CEP126: variants seen among roughly 807,000 people sequenced by gnomAD.
CEP126 encodes centrosomal protein of 126 kDa.
A neutral mutation model predicts 107.8 loss-of-function variants in CEP126; 74 were observed. The observed-to-expected ratio is 0.69, with a 90% confidence interval of 0.57 to 0.83. CEP126 has a LOEUF of 0.83. Ranked by LOEUF, CEP126 falls within the 40% of genes least tolerant of loss-of-function variation. CEP126 has a pLI of 0.00. For missense variants in CEP126, 1,237 were observed against 1,281.9 expected (o/e 0.96, Z 0.53); for synonymous variants, 449 against 446.0 (o/e 1.01, Z -0.08).
chr11:101,933,703 T>C (rs1940533129), intron 2 of CEP126, among the ~76,000 whole-genome samples: 1 of 152,030 alleles, frequency 6.6e-6, no homozygotes. Context: ...TATCAGTCCC[T>C]AGCACCCTGA....
At chr11:101,988,350 A>T (rs1941337808) in intron 9 of CEP126, among the ~76,000 whole-genome samples, 1 of 152,192 alleles carries the variant, frequency 6.6e-6, no homozygotes, top group Non-Finnish European at 1.5e-5. Flanking sequence ...GAATCAAAGA[A>T]ATTTATCCAC....
At chr11:101,930,160 T>C (rs879426732) in intron 2 of CEP126, among the ~76,000 whole-genome samples, 2 of 147,716 alleles carry the variant, frequency 1.4e-5, no homozygotes, top group Admixed American at 1.4e-4. Context: ...TTCTTATGGG[T>C]GTGTGTTGGG....
chr11:101,972,357 C>T (rs1236692889), intron 6 of CEP126, among the ~76,000 whole-genome samples: 6 of 151,954 alleles, frequency 3.9e-5, no homozygotes, highest in Non-Finnish European at 8.8e-5. Flanking sequence ...TCCTGGGAGG[C>T]GGAGCTTGTA....
Position 101,962,661 on chromosome 11 carries a change from A to C in CEP126, c.1626A>C (p.Glu542Asp). The C allele has an allele frequency of 6.2e-7, 1 of 1,612,950 alleles. No homozygotes were observed. The highest frequency in any genetic ancestry group is 8.5e-7 in the Non-Finnish European group (1 of 1,179,632). ...DSKDEKQKLA[E>D]TSSLSNVTSN... is the part of the protein sequence containing the mutation. ...AAGATGAAAAACAAAAATTAGCTGA[A>C]ACATCATCCTTGTCTAATGTAACTT... Residue 542 changes from glutamate to aspartate, a missense_variant, in exon 6 of 11, where the codon GAA becomes GAC. Around this residue, in one of 3 missense-constraint regions of CEP126, gnomAD observed 1,134 missense variants for 1,150.5 expected, o/e 0.99. Transcript: ENST00000263468.
chr11:101,929,691 G>T (rs555925315), intron 2 of CEP126, among the ~76,000 whole-genome samples: 1 of 152,280 alleles, frequency 6.6e-6, no homozygotes, highest in Admixed American at 6.5e-5. Flanking sequence ...CTAATACCAG[G>T]ATGAGGAGAA....
chr11:101,951,644 A>G (rs940886861), intron 4 of CEP126, among the ~76,000 whole-genome samples: 2 of 152,136 alleles, frequency 1.3e-5, no homozygotes, highest in Non-Finnish European at 2.9e-5. Context: ...TTAAAAGAAT[A>G]GATGAGTTTG....
chr11:101,961,751 A>T lies in CEP126; in HGVS notation c.716A>T (p.Asp239Val). 1 of 1,515,480 alleles carries T rather than the reference A, an allele frequency of 6.6e-7. No homozygotes were observed. Among genetic ancestry groups the T allele is most frequent in the Non-Finnish European group, 8.9e-7 (1 of 1,126,596 alleles). The allele number at this position is 1,515,480 out of a possible 1,614,324, so 93.9% of individuals were successfully genotyped here. ...TCTTTTTTTTTCCAGAAATTTTGTGATGAAGTTAATCAGATAACCAATTCT... is the reference window on the plus strand; with the variant it reads ...TCTTTTTTTTTCCAGAAATTTTGTGTTGAAGTTAATCAGATAACCAATTCT... ...QHLSNLQKFC[D>V]EVNQITNSET... Residue 239 changes from aspartate (D) to valine (V), a missense_variant, in exon 6 of 11, where the codon GAT becomes GTT. Transcript: ENST00000263468.
At chr11:101,927,227 G>T (rs1372839360) in intron 2 of CEP126, among the ~76,000 whole-genome samples, 1 of 152,158 alleles carries the variant, frequency 6.6e-6, no homozygotes, top group Non-Finnish European at 1.5e-5. Context: ...TCCTGAACCT[G>T]GGAGGCAAAG....
In CEP126 at chr11:101,990,337, C is replaced by G. The variant is rs138468176; in HGVS notation, c.3245-2441C>G. Among the ~76,000 whole-genome samples the G allele has an allele frequency of 4.0e-3, 609 of 152,234 alleles. 7 individuals are homozygous for G. The highest frequency in any genetic ancestry group is 0.014 in the African/African-American group (577 of 41,550). On this transcript the variant is annotated intron_variant, in intron 9 of 10. Transcript: ENST00000263468. ...GAAGCGCCCCCCATACAGAACATTTCCCCCTGCAGAATAAAGGCCATCTGG... is the reference window on the plus strand; with the variant it reads ...GAAGCGCCCCCCATACAGAACATTTGCCCCTGCAGAATAAAGGCCATCTGG...
In CEP126 at chr11:101,958,257, A is replaced by G; in HGVS notation, c.596A>G (p.Glu199Gly). ...QLLSKINCEKEMNENMRATLA... is the reference protein window; with the variant it reads ...QLLSKINCEKGMNENMRATLA... ...TTATCCAAAATCAATTGTGAGAAAGAAATGAATGAAAACATGAGGGCAACC... is the reference window on the plus strand; with the variant it reads ...TTATCCAAAATCAATTGTGAGAAAGGAATGAATGAAAACATGAGGGCAACC... Residue 199 changes from glutamate to glycine, a missense_variant, in exon 5 of 11, where the codon GAA (glutamate) becomes GGA (glycine). Physicochemically the swap from Glu to Gly is moderately conservative, Grantham distance 98 (BLOSUM62 -2). Coordinates refer to ENST00000263468, the MANE Select transcript of CEP126 (RefSeq NM_020802.4). 6.2e-7 allele frequency: 1 copy of G among 1,614,042 alleles called. No homozygotes were observed. Among genetic ancestry groups the G allele is most frequent in the Non-Finnish European group, 8.5e-7 (1 of 1,179,936 alleles).
chr11:101,968,171 A>G (rs1480675620), intron 6 of CEP126, among the ~76,000 whole-genome samples: 1 of 152,142 alleles, frequency 6.6e-6, no homozygotes, highest in Non-Finnish European at 1.5e-5. Flanking sequence ...TTAGCGGGAG[A>G]TTAGACTTAG....
intron 10 of CEP126, among the ~76,000 whole-genome samples, chr11:101,995,037 C>T (rs758927303): frequency 7.2e-5 from 11 of 152,118 alleles, no homozygotes; most frequent in South Asian, 4.1e-4. Flanking sequence ...CCTCCACCCC[C>T]GACAGGCCCT....
At chr11:101,971,300 T>C (rs1941124928) in intron 6 of CEP126, among the ~76,000 whole-genome samples, 1 of 150,606 alleles carries the variant, frequency 6.6e-6, no homozygotes, top group East Asian at 2.0e-4. Flanking sequence ...AAACTCTGAA[T>C]AACAACAGAT....
intron 4 of CEP126, among the ~76,000 whole-genome samples, chr11:101,948,526 T>A: frequency 6.6e-6 from 1 of 152,140 alleles, no homozygotes; most frequent in Non-Finnish European, 1.5e-5. Flanking sequence ...GAAATGGGTT[T>A]TTCCTCACTG....
intron 2 of CEP126, among the ~76,000 whole-genome samples, chr11:101,932,478 A>G (rs889170850): frequency 6.6e-6 from 1 of 152,208 alleles, no homozygotes; most frequent in African/African-American, 2.4e-5. Context: ...TTTGCTGTCA[A>G]AATGACTTTT....
chr11:101,917,029 TGTGTGTGTGTG>T (rs977600042), intron 1 of CEP126, among the ~76,000 whole-genome samples: 6 of 5,794 alleles, frequency 1.0e-3, no homozygotes, highest in African/African-American at 1.9e-3. Context: ...AATCCAACAA[TGTGTGTGTGTG>T]TGTGTGTGTG....
chr11:101,915,998 C>T (rs893344260), intron 1 of CEP126: 1 of 152,200 alleles, frequency 6.6e-6, no homozygotes, highest in African/African-American at 2.4e-5. Context: ...TGACTTTTCT[C>T]GAAGAGTTGG....
At chr11:101,991,261 C>T (rs1245499795) in intron 9 of CEP126, among the ~76,000 whole-genome samples, 1 of 152,150 alleles carries the variant, frequency 6.6e-6, no homozygotes, top group Non-Finnish European at 1.5e-5. Context: ...CACACCTACA[C>T]ACACATACAC....
intron 6 of CEP126, among the ~76,000 whole-genome samples, chr11:101,970,584 A>T (rs961538882): frequency 2.0e-5 from 3 of 151,860 alleles, no homozygotes; most frequent in Non-Finnish European, 4.4e-5. Flanking sequence ...TTGACACATT[A>T]TTTAAATCTG....
Sources: allele counts gnomAD v4.1 joint callset (sites outside exome capture counted in the v4.1 genomes callset), GRCh38; gene constraint gnomAD v4.1.1; regional missense constraint gnomAD v4.1.1; transcripts MANE v1.5; gene names NCBI Gene and HGNC (gene_info 2026-07-23, HGNC 2026-07-21).